Variants in ZNF551 observed in about 807,000 individuals in gnomAD.
ZNF551 encodes the protein KOX 23 protein (56 AA).
A neutral mutation model predicts 7.9 loss-of-function variants in ZNF551; 5 were observed. That is an observed-to-expected ratio of 0.63 (90% CI 0.33 to 1.33). The LOEUF is 1.33. Ranked by LOEUF, ZNF551 falls within the 40% of genes most tolerant of loss-of-function variation. The pLI is 0.05. For synonymous variants in ZNF551, 287 were observed against 277.3 expected, an observed-to-expected ratio of 1.03 and a Z score of -0.35; for missense variants, 788 against 825.2, an observed-to-expected ratio of 0.95 and a Z score of 0.55.
intron 1 of ZNF551, among the ~76,000 whole-genome samples, 156 bp downstream of exon 1, chr19:57,682,400 C>T (rs977565610): frequency 1.3e-5 from 2 of 152,052 alleles, no homozygotes; most frequent in Non-Finnish European, 2.9e-5. Context: ...CCAGTGTGTA[C>T]GGAAATGTGA....
intron 2 of ZNF551, among the ~76,000 whole-genome samples, chr19:57,685,809 G>T (rs998773039): frequency 6.6e-6 from 1 of 152,212 alleles, no homozygotes; most frequent in Non-Finnish European, 1.5e-5. Flanking sequence ...TCTCAGAGGA[G>T]GCCTGGCCCC....
chr19:57,686,825 G>A lies in ZNF551; in HGVS notation c.550G>A (p.Gly184Arg), dbSNP rs531187196. 1.9e-6 allele frequency: 3 copies of A among 1,614,176 alleles called. No homozygotes were observed. In the Admixed American group the frequency reaches 5.0e-5, roughly 27 times the overall value. Reference sequence around the variant, plus strand: ...CCATGTGTTGAATTATTTCACCTGTGGGGAGGCCTTCCCAGCCCCCACGGA... The same window carrying A: ...CCATGTGTTGAATTATTTCACCTGTAGGGAGGCCTTCCCAGCCCCCACGGA... ...RFHVLNYFTC[G>R]EAFPAPTDLL... Residue 184 changes from glycine (G) to arginine (R), a missense_variant, in exon 3 of 3, where the codon GGG (glycine) becomes AGG (arginine). Gly to Arg is a moderately radical substitution (Grantham distance 125). Transcript: ENST00000282296.
Position 57,687,415 on chromosome 19 carries a change from A to T in ZNF551, c.1140A>T (p.Arg380=). 4 of 1,614,110 alleles carry T rather than the reference A, an allele frequency of 2.5e-6. No homozygotes were observed. The highest frequency in any genetic ancestry group is 3.4e-6 in the Non-Finnish European group (4 of 1,180,004). ...KSFRQSSSLF[R]HQRVHSGERP... is the part of the protein sequence containing the mutation. Reference sequence around the variant, plus strand: ...TTAGACAAAGCTCTAGCCTTTTTCGACACCAGAGAGTTCACTCTGGAGAAA... The same window carrying T: ...TTAGACAAAGCTCTAGCCTTTTTCGTCACCAGAGAGTTCACTCTGGAGAAA... Residue 380 remains arginine (R), a synonymous_variant, in exon 3 of 3, where the codon CGA becomes CGT. Transcript: ENST00000282296.
At chr19:57,684,502 A>T (rs1347138832) in intron 1 of ZNF551, among the ~76,000 whole-genome samples, 1 of 152,050 alleles carries the variant, frequency 6.6e-6, no homozygotes, top group Non-Finnish European at 1.5e-5. Context: ...TCCTTACAAG[A>T]GAGTATGGTT....
rs1479190355 is a variant in ZNF551 at position 57,688,102 on chromosome 19, C to CA, written c.1828dup (p.Thr610AsnfsTer7). 1.2e-6 allele frequency: 2 copies of CA among 1,614,082 alleles called. No homozygotes were observed. The highest frequency in any genetic ancestry group is 3.3e-5 in the Admixed American group (2 of 60,008). On this transcript the variant is annotated frameshift_variant, in exon 3 of 3. Transcript: ENST00000282296. LOFTEE classifies it low-confidence loss of function (END_TRUNC). ...GCCTCATTCAACACCAGAGAGGTCA[C>CA]ACTGGAGAAAGACCTTATGAGTGCA...
chr19:57,685,134 A>G lies in ZNF551; in HGVS notation c.82-128A>G, dbSNP rs944367955. ...GTGGAACTGTGGGGAGAGGGTAGGC[A>G]TCGGTGGCACTGTGGCTGGTTATCT... On this transcript the variant is annotated intron_variant, in intron 1 of 2. Coordinates refer to ENST00000282296, the MANE Select transcript of ZNF551 (RefSeq NM_138347.5). 3 of 1,227,146 alleles carry G rather than the reference A, an allele frequency of 2.4e-6. No individual in the cohort carries two copies. The African/African-American group carries it at 4.5e-5, about 18-fold the overall frequency. The allele number at this position is 1,227,146 out of a possible 1,614,324, so 76.0% of individuals were successfully genotyped here.
intron 2 of ZNF551, among the ~76,000 whole-genome samples, chr19:57,685,800 C>T (rs1454100315): frequency 6.6e-6 from 1 of 152,172 alleles, no homozygotes; most frequent in Non-Finnish European, 1.5e-5. Context: ...GCAAGATGGT[C>T]TCAGAGGAGG....
Position 57,687,570 on chromosome 19 carries a change from C to A in ZNF551, c.1295C>A (p.Ser432Ter). Residue 432 changes from serine to a stop codon, truncating the protein, a stop_gained, in exon 3 of 3, where the codon TCG (serine) becomes TAG (stop). Transcript: ENST00000282296. LOFTEE classifies it low-confidence loss of function (END_TRUNC). ...SDCGKSFSCK[S>*]ELIQHQRIHS... ...TGTGGGAAATCTTTTAGCTGCAAAT[C>A]GGAACTCATTCAACACCAGAGAATT... 6.2e-7 allele frequency: 1 copy of A among 1,614,172 alleles called. No individual in the cohort carries two copies. Among genetic ancestry groups the A allele is most frequent in the South Asian group, 1.1e-5 (1 of 91,084 alleles).
chr19:57,683,261 G>T (rs1984448081), intron 1 of ZNF551, among the ~76,000 whole-genome samples: 1 of 152,230 alleles, frequency 6.6e-6, no homozygotes, highest in Non-Finnish European at 1.5e-5. Flanking sequence ...TGGCTGTGAA[G>T]ATGCGAGAAG....
rs757144765 is a variant in ZNF551, at chr19:57,687,378, G to A, written c.1103G>A (p.Cys368Tyr). 3 of 1,614,052 alleles carry A rather than the reference G, an allele frequency of 1.9e-6. No homozygotes were observed. The highest frequency in any genetic ancestry group is 2.5e-6 in the Non-Finnish European group (3 of 1,180,034). Reference sequence around the variant, plus strand: ...GAAAGGCCTTATGAATGTGGCGAGTGCGGGAAATCCTTTAGACAAAGCTCT... The same window carrying A: ...GAAAGGCCTTATGAATGTGGCGAGTACGGGAAATCCTTTAGACAAAGCTCT... ...TGERPYECGECGKSFRQSSSL... is the reference protein window; with the variant it reads ...TGERPYECGEYGKSFRQSSSL... Residue 368 changes from cysteine (C) to tyrosine (Y), a missense_variant, in exon 3 of 3, where the codon TGC (cysteine) becomes TAC (tyrosine). Coordinates refer to ENST00000282296, the MANE Select transcript of ZNF551 (RefSeq NM_138347.5).
rs1427489189 is a variant in ZNF551 at position 57,687,634 on chromosome 19, G to A, written c.1359G>A (p.Gly453=). 6.2e-7 allele frequency: 1 copy of A among 1,613,974 alleles called. No homozygotes were observed. Among genetic ancestry groups the A allele is most frequent in the Non-Finnish European group, 8.5e-7 (1 of 1,180,028 alleles). Residue 453 remains glycine (G), a synonymous_variant, in exon 3 of 3, where the codon GGG becomes GGA. Coordinates refer to ENST00000282296, the MANE Select transcript of ZNF551 (RefSeq NM_138347.5). ...GACCTTATGAATGCAGAGAATGTGG[G>A]AAATCCTTTAGACAATTCTCTAACC... The part of the protein sequence containing the change: ...GERPYECREC[G]KSFRQFSNLI...
At chr19:57,684,065 A>T (rs911772669) in intron 1 of ZNF551, among the ~76,000 whole-genome samples, 1 of 152,132 alleles carries the variant, frequency 6.6e-6, no homozygotes, top group Admixed American at 6.5e-5. Context: ...GGGGACAGCA[A>T]TCACAGCCCA....
At position 57,687,806 on chromosome 19, in the gene ZNF551, TC is replaced by T. The variant is rs532224409; in HGVS notation, c.1533del (p.Phe512LeufsTer172). 6.2e-7 allele frequency: 1 copy of T among 1,613,540 alleles called. No individual in the cohort carries two copies. Among genetic ancestry groups the T allele is most frequent in the South Asian group, 1.1e-5 (1 of 91,050 alleles). ...RPYECSECGK[S>X]FTRKSDLIQH... ...TTATGAATGCAGTGAATGTGGAAAA[TC>T]CTTTACCCGCAAATCTGACCTCATT... On this transcript the variant is annotated frameshift_variant, in exon 3 of 3. Coordinates refer to ENST00000282296, the MANE Select transcript of ZNF551 (RefSeq NM_138347.5). LOFTEE classifies it low-confidence loss of function (END_TRUNC).
intron 1 of ZNF551, among the ~76,000 whole-genome samples, chr19:57,682,624 C>T (rs967276823): frequency 8.5e-5 from 13 of 152,296 alleles, no homozygotes; most frequent in Non-Finnish European, 1.6e-4. Flanking sequence ...AAAAGTTGCT[C>T]AGGGGAAGAA....
chr19:57,685,228 C>T (rs1004022535), intron 1 of ZNF551, 34 bp from the exon 2 acceptor site: 4 of 1,610,338 alleles, frequency 2.5e-6, no homozygotes, highest in Admixed American at 1.7e-5. Flanking sequence ...AACTCCGGGT[C>T]TGATCGTGGA....
intron 2 of ZNF551, among the ~76,000 whole-genome samples, chr19:57,685,616 A>G (rs1249201225): frequency 1.3e-5 from 2 of 152,196 alleles, no homozygotes; most frequent in Non-Finnish European, 2.9e-5. Context: ...TGTCATAGTT[A>G]CTACTTATGT....
Position 57,685,332 on chromosome 19 carries a change from G to C in ZNF551, c.152G>C (p.Arg51Thr). 6.2e-7 allele frequency: 1 copy of C among 1,614,136 alleles called. No homozygotes were observed. The highest frequency in any genetic ancestry group is 8.5e-7 in the Non-Finnish European group (1 of 1,180,006). The change falls in exon 2 of 3, where the codon AGG becomes ACG. Residue 51 changes from arginine to threonine, a missense_variant. Transcript: ENST00000282296. ...EEWELLDESQ[R>T]FLYCDVMLEN... ...TGGGAGCTCCTTGATGAGTCTCAGA[G>C]GTTCCTGTACTGCGATGTGATGCTG...
intron 1 of ZNF551, 38 bp from the exon 2 acceptor site, chr19:57,685,223 CG>C: frequency 1.9e-6 from 3 of 1,608,212 alleles, no homozygotes; most frequent in Non-Finnish European, 2.5e-6. Context: ...TAATGAACTC[CG>C]GGTCTGATCG....
Position 57,688,384 on chromosome 19 carries a change from G to GT in ZNF551, c.*97dup, listed in dbSNP as rs1568457185. On this transcript the variant is annotated 3_prime_UTR_variant, in exon 3 of 3. Coordinates refer to ENST00000282296, the MANE Select transcript of ZNF551 (RefSeq NM_138347.5). The stretch of plus-strand genomic sequence containing the variant: ...TAAATTTAAACTTTGAGCACCCACA[G>GT]TGGGGTATTCTTCATAAGTTTCAGG... 2.0e-6 allele frequency: 3 copies of GT among 1,489,106 alleles called. No homozygotes were observed. The African/African-American group carries it at 4.2e-5, about 21-fold the overall frequency. 92.2% of individuals were successfully genotyped at this position (1,489,106 alleles called of 1,614,324 possible). A position where few individuals can be genotyped will look rare whatever the true frequency, so the allele number is the denominator to read the frequency against.
Sources: gnomAD v4.1 joint callset for allele counts (sites outside exome capture counted in the v4.1 genomes callset) on GRCh38, gnomAD v4.1.1 for gene constraint, MANE v1.5 for transcripts, NCBI Gene and HGNC (gene_info 2026-07-23, HGNC 2026-07-21) for gene names.